PCDHGA1: variants seen among roughly 807,000 people sequenced by gnomAD.
PCDHGA1 encodes protocadherin gamma subfamily A, 1.
In PCDHGA1, 32 loss-of-function variants were observed where a neutral mutation model predicts 58.0. That is an observed-to-expected ratio of 0.55 (90% confidence interval 0.42 to 0.74). The LOEUF is 0.74. Ranked by LOEUF, PCDHGA1 falls within the 30% of genes least tolerant of loss-of-function variation. PCDHGA1 has a pLI of 0.00. For missense variants in PCDHGA1, 1,205 were observed against 1,182.3 expected (o/e 1.02, Z -0.28); for synonymous variants, 498 against 501.1 (o/e 0.99, Z 0.08).
chr5:141,361,254 CAG>C, intron 1 of PCDHGA1: 1 of 1,613,964 alleles, frequency 6.2e-7, no homozygotes, highest in South Asian at 1.1e-5. Flanking sequence ...AAACGAGAGA[CAG>C]AGACTCTGGA....
chr5:141,459,609 T>C (rs939880462), intron 1 of PCDHGA1, among the ~76,000 whole-genome samples: 1 of 152,230 alleles, frequency 6.6e-6, no homozygotes, highest in African/African-American at 2.4e-5. Context: ...AAGTATATGC[T>C]TAACTTTATA....
At chr5:141,450,887 C>T (rs531604055) in intron 1 of PCDHGA1, among the ~76,000 whole-genome samples, 18 of 148,682 alleles carry the variant, frequency 1.2e-4, no homozygotes, top group East Asian at 1.2e-3. Flanking sequence ...TGCAGTGGTG[C>T]GATATCGGCT....
At chr5:141,506,462 AAAAG>A (rs1396142744) in intron 3 of PCDHGA1, among the ~76,000 whole-genome samples, 1 of 151,856 alleles carries the variant, frequency 6.6e-6, no homozygotes, top group African/African-American at 2.4e-5. Flanking sequence ...AAAAAAAAAA[AAAAG>A]AGCACAGGCT....
intron 1 of PCDHGA1, chr5:141,427,874 G>A: frequency 1.3e-6 from 2 of 1,560,274 alleles, no homozygotes; most frequent in South Asian, 2.2e-5. Flanking sequence ...AGCTCACGAT[G>A]CAGGCCCACG....
chr5:141,502,179 A>C (rs1403845758), intron 2 of PCDHGA1, among the ~76,000 whole-genome samples: 3 of 152,218 alleles, frequency 2.0e-5, no homozygotes, highest in African/African-American at 7.2e-5. Context: ...GGAATTTAAC[A>C]TTAATACAAT....
At position 141,431,276 on chromosome 5, in the gene PCDHGA1, A is replaced by T; in HGVS notation, c.2422-63531A>T. 6.2e-7 allele frequency: 1 copy of T among 1,614,176 alleles called. No individual in the cohort carries two copies. Among genetic ancestry groups the T allele is most frequent in the South Asian group, 1.1e-5 (1 of 91,084 alleles). ...GAACTCTCTGCAGAGCTACGAGCTC[A>T]GCCCGAACACTCACTTCTCCCTCAT... is the stretch of plus-strand genomic sequence containing the variant. On this transcript the variant is annotated intron_variant, in intron 1 of 3. Transcript: ENST00000517417. The surrounding 1 kb of genome is among the most constrained non-coding windows in gnomAD (Gnocchi z 4.8).
intron 2 of PCDHGA1, among the ~76,000 whole-genome samples, chr5:141,501,049 A>G (rs1458722311): frequency 1.3e-5 from 2 of 151,844 alleles, no homozygotes; most frequent in African/African-American, 2.4e-5. Flanking sequence ...TTGTATTTTT[A>G]GTAGAGACGG....
At chr5:141,422,724 G>A (rs560544401) in intron 1 of PCDHGA1, 9 of 1,606,016 alleles carry the variant, frequency 5.6e-6, no homozygotes, top group East Asian at 2.2e-5. Flanking sequence ...CTGTCCAGGG[G>A]GTGCCTCTGT....
rs376734880 is a variant in PCDHGA1 at position 141,400,487 on chromosome 5, T to C, written c.2421+67382T>C. On this transcript the variant is annotated intron_variant, in intron 1 of 3. Coordinates refer to ENST00000517417, the MANE Select transcript of PCDHGA1 (RefSeq NM_018912.3). Reference sequence around the variant, plus strand: ...GATTCATCTGGGGCCTTATTTCCACTTTGTAATTCCAGCGAGTCGACTTCC... The same window carrying C: ...GATTCATCTGGGGCCTTATTTCCACCTTGTAATTCCAGCGAGTCGACTTCC... 4.8e-5 allele frequency: 78 copies of C among 1,613,958 alleles called. No individual in the cohort carries two copies. Among genetic ancestry groups the C allele is most frequent in the Non-Finnish European group, 6.6e-5 (78 of 1,179,896 alleles).
intron 1 of PCDHGA1, chr5:141,389,382 T>C (rs2091728828): frequency 6.2e-7 from 1 of 1,613,704 alleles, no homozygotes; most frequent in East Asian, 2.2e-5. Flanking sequence ...GCGGGAGCTG[T>C]CATCCTACGT....
chr5:141,384,982 G>C, intron 1 of PCDHGA1: 1 of 1,614,144 alleles, frequency 6.2e-7, no homozygotes, highest in Non-Finnish European at 8.5e-7. Flanking sequence ...GTACCTGGTG[G>C]TGGCGGTGGC....
chr5:141,364,897 A>G (rs780576369), intron 1 of PCDHGA1: 1 of 1,613,970 alleles, frequency 6.2e-7, no homozygotes, highest in Non-Finnish European at 8.5e-7. Context: ...CTGATGGACA[A>G]AAGTATCCGG....
chr5:141,382,795 T>C, intron 1 of PCDHGA1: 1 of 982,614 alleles, frequency 1.0e-6, no homozygotes, highest in South Asian at 1.7e-5. Flanking sequence ...TCTATCCTGC[T>C]GGATTCTGAG....
At chr5:141,357,432 C>G in intron 1 of PCDHGA1, 1 of 1,614,212 alleles carries the variant, frequency 6.2e-7, no homozygotes, top group Non-Finnish European at 8.5e-7. Context: ...TGGGCGTGGA[C>G]GGGGTTCGGG....
At chr5:141,390,423 C>A in intron 1 of PCDHGA1, 1 of 1,058,544 alleles carries the variant, frequency 9.4e-7, no homozygotes, top group Non-Finnish European at 1.3e-6. Context: ...AGTTAAAAAG[C>A]TGTCATATCA....
intron 1 of PCDHGA1, among the ~76,000 whole-genome samples, chr5:141,466,540 G>T (rs1302720337): frequency 6.6e-6 from 1 of 152,094 alleles, no homozygotes; most frequent in Non-Finnish European, 1.5e-5. Context: ...GATGTAGATG[G>T]TCTTTTGCTG....
At chr5:141,339,545 C>A in intron 1 of PCDHGA1, 1 of 1,614,098 alleles carries the variant, frequency 6.2e-7, no homozygotes, top group African/African-American at 1.3e-5. Flanking sequence ...GAACAAGTAC[C>A]CAGAACTGGT....
chr5:141,359,246 A>G (rs1007985499), intron 1 of PCDHGA1, among the ~76,000 whole-genome samples: 1 of 152,156 alleles, frequency 6.6e-6, no homozygotes, highest in Non-Finnish European at 1.5e-5. Flanking sequence ...TAAAGTAATT[A>G]AGCCATAAAA....
Position 141,493,836 on chromosome 5 carries a change from A to G in PCDHGA1, c.2422-971A>G, listed in dbSNP as rs1411929024. Among the ~76,000 whole-genome samples the G allele has an allele frequency of 6.6e-6, 1 of 152,194 alleles. No individual in the cohort carries two copies. Among genetic ancestry groups the G allele is most frequent in the Non-Finnish European group, 1.5e-5 (1 of 68,038 alleles). On this transcript the variant is annotated intron_variant, in intron 1 of 3. Transcript: ENST00000517417. This position sits in a 1 kb window ranked among gnomAD's most constrained non-coding sequence, Gnocchi z 4.3. ...ACACTCTCTGCTTCTGGGAGCAAGT[A>G]TGAGTATTAATTACCAGCCCACCCC...
Sources: gnomAD v4.1 joint callset for allele counts (sites outside exome capture counted in the v4.1 genomes callset) on GRCh38, gnomAD v4.1.1 for gene constraint, Gnocchi (gnomAD v3.1) non-coding constraint, MANE v1.5 for transcripts, NCBI Gene and HGNC (gene_info 2026-07-23, HGNC 2026-07-21) for gene names.